The following RPRD1B variants were observed in gnomAD, a reference collection of about 807,000 sequenced individuals.
The protein encoded by RPRD1B is regulation of nuclear pre-mRNA domain containing 1B.
RPRD1B carries 11 observed loss-of-function variants against 41.5 expected under a neutral mutation model. The ratio of observed to expected loss-of-function variants is 0.27; its 90% CI spans 0.17 to 0.44. The LOEUF (loss-of-function observed/expected upper bound fraction) is 0.44, where lower values mean the gene tolerates loss of function less well. Ranked by LOEUF, RPRD1B falls within the 20% of genes least tolerant of loss-of-function variation. The probability of loss-of-function intolerance (pLI) is 1.00; values close to 1 mark genes in which losing one functional copy is unlikely to be tolerated. For synonymous variants in RPRD1B, 158 were observed against 155.6 expected (o/e 1.02, Z -0.12); for missense variants, 248 against 389.9 (o/e 0.64, Z 3.06).
chr20:38,067,040 G>A lies in RPRD1B; in HGVS notation c.831+784G>A, dbSNP rs1423541971. On this transcript the variant is annotated intron_variant, in intron 6 of 6. Transcript: ENST00000373433. ...ATCTATCTGTAATTAGCTCTTAAAT[G>A]TCACAGTAGTATTTATATAGCACAG... Among the ~76,000 whole-genome samples, 17 of 152,140 alleles carry A rather than the reference G, an allele frequency of 1.1e-4. 1 individual carries two copies. Among genetic ancestry groups the A allele is most frequent in the Admixed American group, 1.0e-3 (16 of 15,276 alleles).
chr20:38,088,446 C>A (rs559296506), intron 6 of RPRD1B, among the ~76,000 whole-genome samples: 1 of 152,182 alleles, frequency 6.6e-6, no homozygotes, highest in Non-Finnish European at 1.5e-5. Context: ...AGGACCAAGC[C>A]TAGGTCTCTG....
chr20:38,056,900 TAAC>T (rs2074247995), intron 3 of RPRD1B, among the ~76,000 whole-genome samples: 1 of 152,206 alleles, frequency 6.6e-6, no homozygotes, highest in Admixed American at 6.5e-5. Flanking sequence ...ACATCTATCA[TAAC>T]AATGTAAAAA....
chr20:38,037,429 C>A (rs1177357968), intron 1 of RPRD1B, among the ~76,000 whole-genome samples: 1 of 152,170 alleles, frequency 6.6e-6, no homozygotes, highest in East Asian at 1.9e-4. Flanking sequence ...TTTTGATTAA[C>A]CAGTTGTTTA....
At chr20:38,087,718 A>T (rs1244519202) in intron 6 of RPRD1B, among the ~76,000 whole-genome samples, 1 of 152,224 alleles carries the variant, frequency 6.6e-6, no homozygotes, top group Non-Finnish European at 1.5e-5. Context: ...CAAAGAAGAA[A>T]AGTACTTGTG....
chr20:38,090,380 C>T lies in RPRD1B; in HGVS notation c.*505C>T, dbSNP rs1376556855. On this transcript the variant is annotated 3_prime_UTR_variant, in exon 7 of 7. Coordinates refer to ENST00000373433, the MANE Select transcript of RPRD1B (RefSeq NM_021215.4). ...AAGGTTGTAGGCACAGCTGTCGTAG[C>T]GTTGCCATAAAGAGTTTGCCAAATC... The T allele has an allele frequency of 8.1e-6, 8 of 986,148 alleles. No individual in the cohort carries two copies. In the South Asian group the frequency reaches 1.9e-4, roughly 23 times the overall value. 61.1% of individuals were successfully genotyped at this position (986,148 alleles called of 1,614,324 possible). A position where few individuals can be genotyped will look rare whatever the true frequency, so the allele number is the denominator to read the frequency against.
intron 6 of RPRD1B, among the ~76,000 whole-genome samples, chr20:38,082,741 A>G (rs1163385688): frequency 6.6e-6 from 1 of 152,200 alleles, no homozygotes; most frequent in Non-Finnish European, 1.5e-5. Context: ...TAGAAAAGAT[A>G]TGATATACTC....
chr20:38,074,234 T>C (rs2074438730), intron 6 of RPRD1B, among the ~76,000 whole-genome samples: 1 of 152,214 alleles, frequency 6.6e-6, no homozygotes, highest in African/African-American at 2.4e-5. Flanking sequence ...ATGTGTGGGC[T>C]TCTGTGAGTG....
intron 1 of RPRD1B, among the ~76,000 whole-genome samples, chr20:38,034,559 C>T (rs2122680332): frequency 1.3e-5 from 2 of 152,328 alleles, no homozygotes; most frequent in South Asian, 4.1e-4. Context: ...TCCGTTTTCT[C>T]ATCTGTAAGA....
intron 6 of RPRD1B, among the ~76,000 whole-genome samples, chr20:38,074,951 T>C (rs569665903): frequency 6.6e-6 from 1 of 152,358 alleles, no homozygotes; most frequent in South Asian, 2.1e-4. Context: ...CTTAACATGA[T>C]TATTTTTCCT....
At chr20:38,038,568 C>T (rs1214457133) in intron 1 of RPRD1B, among the ~76,000 whole-genome samples, 1 of 140,662 alleles carries the variant, frequency 7.1e-6, no homozygotes, top group African/African-American at 2.7e-5. Flanking sequence ...GTGATCTCGG[C>T]TCACTGCAAG....
At position 38,066,143 on chromosome 20, in the gene RPRD1B, T is replaced by G; in HGVS notation, c.718T>G (p.Tyr240Asp). The change falls in exon 6 of 7, where the codon TAT (tyrosine) becomes GAT (aspartate). Residue 240 changes from tyrosine (Y) to aspartate (D), a missense_variant. Physicochemically the swap from Tyr to Asp is radical, Grantham distance 160 (BLOSUM62 -3). Transcript: ENST00000373433. The stretch of plus-strand genomic sequence containing the variant: ...TGAAGCATGTCTGTTACTAGCAGAA[T>G]ATAACGGGCGCCTGGCAGCAGAACT... ...VDEACLLLAE[Y>D]NGRLAAELED... The G allele has an allele frequency of 6.2e-7, 1 of 1,614,222 alleles. No individual in the cohort carries two copies. Among genetic ancestry groups the G allele is most frequent in the Non-Finnish European group, 8.5e-7 (1 of 1,180,036 alleles).
intron 6 of RPRD1B, among the ~76,000 whole-genome samples, chr20:38,082,819 T>G (rs1322276362): frequency 6.6e-6 from 1 of 152,110 alleles, no homozygotes; most frequent in Non-Finnish European, 1.5e-5. Context: ...GAATTGAAAT[T>G]TTTTTTTATT....
At chr20:38,039,290 G>C (rs537829154) in intron 1 of RPRD1B, among the ~76,000 whole-genome samples, 1 of 152,210 alleles carries the variant, frequency 6.6e-6, no homozygotes, top group East Asian at 1.9e-4. Flanking sequence ...TAGTGTTAAT[G>C]TATACTTGTA....
chr20:38,047,532 CAG>C (rs113612618), intron 2 of RPRD1B, among the ~76,000 whole-genome samples: 36,789 of 151,768 alleles, frequency 0.24, 5,558 homozygotes, highest in African/African-American at 0.44. Flanking sequence ...CCTCACAAAA[CAG>C]AAGATTTCAT....
intron 2 of RPRD1B, among the ~76,000 whole-genome samples, chr20:38,042,769 T>G (rs1423515960): frequency 2.0e-5 from 3 of 152,158 alleles, no homozygotes; most frequent in African/African-American, 7.2e-5. Flanking sequence ...CTGTGGTCAG[T>G]TGATGAACAA....
chr20:38,039,882 C>T (rs2074047139), intron 1 of RPRD1B, among the ~76,000 whole-genome samples: 1 of 151,674 alleles, frequency 6.6e-6, no homozygotes, highest in Non-Finnish European at 1.5e-5. Context: ...TACAGGTGCC[C>T]ACCATCACAC....
At chr20:38,078,925 A>G (rs1233914944) in intron 6 of RPRD1B, among the ~76,000 whole-genome samples, 2 of 152,226 alleles carry the variant, frequency 1.3e-5, no homozygotes, top group Non-Finnish European at 2.9e-5. Flanking sequence ...TAAGGATATA[A>G]TCAAATGGTT....
intron 1 of RPRD1B, among the ~76,000 whole-genome samples, chr20:38,039,706 A>G (rs1304501496): frequency 6.9e-6 from 1 of 145,748 alleles, no homozygotes; most frequent in Non-Finnish European, 1.5e-5. Flanking sequence ...GCTCGGCGAA[A>G]CCATTTTAAA....
chr20:38,090,555 A>G lies in RPRD1B; in HGVS notation c.*680A>G. 1 of 985,910 alleles carries G rather than the reference A, an allele frequency of 1.0e-6. No individual in the cohort carries two copies. The highest frequency in any genetic ancestry group is 1.2e-6 in the Non-Finnish European group (1 of 829,954). The allele number at this position is 985,910 out of a possible 1,614,324, so 61.1% of individuals were successfully genotyped here. ...CAGAGACAGAATAACAGGGATCACA[A>G]GCATGAATTAAAAGGAATTTATTTG... On this transcript the variant is annotated 3_prime_UTR_variant, in exon 7 of 7. Transcript: ENST00000373433.
Sources: allele counts gnomAD v4.1 joint callset (sites outside exome capture counted in the v4.1 genomes callset), GRCh38; gene constraint gnomAD v4.1.1; transcripts MANE v1.5; gene names NCBI Gene and HGNC (gene_info 2026-07-23, HGNC 2026-07-21).